The following FBRSL1 variants were observed in gnomAD, a reference collection of about 807,000 sequenced individuals.
The protein encoded by FBRSL1 is fibrosin-1-like protein.
Under a neutral mutation model 89.6 loss-of-function variants are expected in FBRSL1, and 51 were observed. The ratio of observed to expected loss-of-function variants is 0.57; its 90% CI spans 0.45 to 0.72. FBRSL1 has a LOEUF of 0.72. Among genes scored for constraint, FBRSL1 ranks in the 30% least tolerant of loss-of-function variants. The pLI, the probability that FBRSL1 is intolerant of heterozygous loss-of-function variation, is 0.00. For synonymous variants in FBRSL1, 779 were observed against 681.1 expected, an observed-to-expected ratio of 1.14 and a Z score of -2.24; for missense variants, 1,618 against 1,451.8, an observed-to-expected ratio of 1.11 and a Z score of -1.86.
At chr12:132,525,960 G>T (rs2035759378) in intron 3 of FBRSL1, 137 bp downstream of exon 3, 2 of 698,564 alleles carry the variant, frequency 2.9e-6, no homozygotes, top group Non-Finnish European at 2.4e-6. Context: ...TCCGAGTCTG[G>T]GCCCCCTGCC....
intron 4 of FBRSL1, among the ~76,000 whole-genome samples, chr12:132,534,006 T>A (rs2036516823): frequency 6.6e-6 from 1 of 152,064 alleles, no homozygotes. Context: ...GCAGGGGAGC[T>A]GGGCCGTAGA....
intron 5 of FBRSL1, among the ~76,000 whole-genome samples, chr12:132,548,864 G>A (rs11146926): frequency 0.15 from 23,266 of 152,260 alleles, 2,305 homozygotes; most frequent in Non-Finnish European, 0.22. Flanking sequence ...GGCCCGAGGC[G>A]GACTGCATGT....
At chr12:132,526,738 T>C (rs978152716) in intron 3 of FBRSL1, among the ~76,000 whole-genome samples, 2 of 151,608 alleles carry the variant, frequency 1.3e-5, no homozygotes, top group African/African-American at 4.9e-5. Flanking sequence ...TCAGAGGGGG[T>C]GTTGGATCTT....
chr12:132,509,922 G>T (rs2034138013), intron 2 of FBRSL1: 2 of 1,230,954 alleles, frequency 1.6e-6, no homozygotes, highest in Non-Finnish European at 2.0e-6. Flanking sequence ...GGCCTTCCTA[G>T]CCCCGTGTCA....
chr12:132,534,532 TC>T (rs1263700411), intron 4 of FBRSL1, among the ~76,000 whole-genome samples: 1 of 152,198 alleles, frequency 6.6e-6, no homozygotes, highest in African/African-American at 2.4e-5. Context: ...CCTCGCCACC[TC>T]CCTGCCCCAC....
At chr12:132,522,430 A>G (rs2035441263) in intron 2 of FBRSL1, among the ~76,000 whole-genome samples, 1 of 152,056 alleles carries the variant, frequency 6.6e-6, no homozygotes, top group Non-Finnish European at 1.5e-5. Flanking sequence ...CCATGTTCCT[A>G]CGGTTACTGC....
rs1726194494 is a variant in FBRSL1, at chr12:132,499,865, C to T, written c.292-8288C>T. 1.3e-5 allele frequency among the ~76,000 whole-genome samples: 2 copies of T among 152,110 alleles called. No individual in the cohort carries two copies. Among genetic ancestry groups the T allele is most frequent in the African/African-American group, 4.8e-5 (2 of 41,406 alleles). On this transcript the variant is annotated intron_variant, in intron 1 of 18. Coordinates refer to ENST00000680143, the MANE Select transcript of FBRSL1 (RefSeq NM_001367871.1). This position sits in a 1 kb window ranked among gnomAD's most constrained non-coding sequence, Gnocchi z 4.3. ...GTGAGGGACAGAACGGCCTCTGAGC[C>T]CCAGCTCCGTTGGCGCAGCAGAGCT... is the stretch of plus-strand genomic sequence containing the variant.
In FBRSL1 at chr12:132,570,551, C is replaced by T. The variant is rs1248050089; in HGVS notation, c.1213+11C>T. On this transcript the variant is annotated intron_variant, in intron 8 of 18. Coordinates refer to ENST00000680143, the MANE Select transcript of FBRSL1 (RefSeq NM_001367871.1). ...CAGGACACCCGGCCGGTAGGTGTCTCGGCCACAATCTCGCCCAGGGCAGGG... is the reference window on the plus strand; with the variant it reads ...CAGGACACCCGGCCGGTAGGTGTCTTGGCCACAATCTCGCCCAGGGCAGGG... 1.0e-5 allele frequency: 15 copies of T among 1,494,248 alleles called. No individual in the cohort carries two copies. The highest frequency in any genetic ancestry group is 5.1e-5 in the South Asian group (4 of 78,974). The allele number at this position is 1,494,248 out of a possible 1,614,324, so 92.6% of individuals were successfully genotyped here. A position where few individuals can be genotyped will look rare whatever the true frequency, so the allele number is the denominator to read the frequency against.
intron 6 of FBRSL1, among the ~76,000 whole-genome samples, chr12:132,568,222 C>T (rs2039765162): frequency 6.6e-6 from 1 of 152,244 alleles, no homozygotes; most frequent in Admixed American, 6.5e-5. Context: ...CCGGCAGGGC[C>T]ACGGGGTCTC....
At chr12:132,509,742 C>T (rs540926918) in intron 2 of FBRSL1, 13 of 1,231,306 alleles carry the variant, frequency 1.1e-5, no homozygotes, top group Non-Finnish European at 1.1e-5. Context: ...GTGGGCCAGC[C>T]CGTGTCACTG....
In FBRSL1 at chr12:132,546,611, C is replaced by T. The variant is rs2137298175; in HGVS notation, c.616-1392C>T. Among the ~76,000 whole-genome samples the T allele has an allele frequency of 6.6e-6, 1 of 152,012 alleles. No homozygotes were observed. Among genetic ancestry groups the T allele is most frequent in the South Asian group, 2.1e-4 (1 of 4,824 alleles). ...CTGAAAGGCCAGACCGGGGGGGACC[C>T]TAGGAGAGGGCTTGGCCACGGCTGA... On this transcript the variant is annotated intron_variant, in intron 4 of 18. Coordinates refer to ENST00000680143, the MANE Select transcript of FBRSL1 (RefSeq NM_001367871.1). The surrounding 1 kb of genome is among the most constrained non-coding windows in gnomAD (Gnocchi z 4.0).
At position 132,583,709 on chromosome 12, in the gene FBRSL1, G is replaced by T. The variant is rs1375705814; in HGVS notation, c.2940G>T (p.Gly980=). The change falls in exon 19 of 19, where the codon GGG becomes GGT. Residue 980 remains glycine (G), a synonymous_variant. Coordinates refer to ENST00000680143, the MANE Select transcript of FBRSL1 (RefSeq NM_001367871.1). ...GPPRSRTTPL[G]GLGPGEARDY... ...CGCGGAGCCGGACTACTCCGCTGGG[G>T]GGCCTCGGGCCGGGCGAGGCGCGCG... 3 of 1,199,588 alleles carry T rather than the reference G, an allele frequency of 2.5e-6. No homozygotes were observed. The highest frequency in any genetic ancestry group is 3.1e-6 in the Non-Finnish European group (3 of 967,394). 74.3% of individuals were successfully genotyped at this position (1,199,588 alleles called of 1,614,324 possible).
Position 132,583,799 on chromosome 12 carries a change from C to G in FBRSL1, c.*21C>G. The stretch of plus-strand genomic sequence containing the variant: ...GGTAGCCCCGGGGCCGCAGACGCCT[C>G]TCCGAGCGGAGCGCACCGCTGTCCG... On this transcript the variant is annotated 3_prime_UTR_variant, in exon 19 of 19. Coordinates refer to ENST00000680143, the MANE Select transcript of FBRSL1 (RefSeq NM_001367871.1). 1 of 1,195,440 alleles carries G rather than the reference C, an allele frequency of 8.4e-7. No individual in the cohort carries two copies. The allele number at this position is 1,195,440 out of a possible 1,614,324, so 74.1% of individuals were successfully genotyped here. A position where few individuals can be genotyped will look rare whatever the true frequency, so the allele number is the denominator to read the frequency against.
intron 1 of FBRSL1, among the ~76,000 whole-genome samples, chr12:132,496,329 G>T (rs539400590): frequency 6.6e-6 from 1 of 152,240 alleles, no homozygotes; most frequent in Non-Finnish European, 1.5e-5. Context: ...AGAAAGAGAA[G>T]TGCCCAGAAC....
At chr12:132,571,303 G>T (rs1393044995) in intron 9 of FBRSL1, 72 bp downstream of exon 9, 2 of 1,527,048 alleles carry the variant, frequency 1.3e-6, no homozygotes, top group Non-Finnish European at 1.8e-6. Context: ...TTTTTCTCTT[G>T]TAGATCACGA....
At chr12:132,509,540 C>T (rs1593280326) in intron 2 of FBRSL1, 5 of 1,233,982 alleles carry the variant, frequency 4.1e-6, no homozygotes, top group South Asian at 4.1e-5. Context: ...CCAGGCAGTG[C>T]TGCAGGCGCC....
intron 2 of FBRSL1, among the ~76,000 whole-genome samples, chr12:132,515,732 C>G (rs145928120): frequency 1.3e-5 from 2 of 151,704 alleles, no homozygotes; most frequent in African/African-American, 4.8e-5. Context: ...AAACCCGTCT[C>G]TACTAAAAAT....
chr12:132,579,437 T>C (rs2040600628), intron 15 of FBRSL1, among the ~76,000 whole-genome samples: 1 of 152,246 alleles, frequency 6.6e-6, no homozygotes, highest in African/African-American at 2.4e-5. Context: ...TAAGTTACAT[T>C]CTTAAGCTGT....
chr12:132,564,308 G>T (rs1461543679), intron 5 of FBRSL1, among the ~76,000 whole-genome samples: 1 of 152,190 alleles, frequency 6.6e-6, no homozygotes, highest in Non-Finnish European at 1.5e-5. Context: ...GGATTCAGGG[G>T]AAGCAGCTCC....
Sources: allele counts gnomAD v4.1 joint callset (sites outside exome capture counted in the v4.1 genomes callset), GRCh38; gene constraint gnomAD v4.1.1; non-coding constraint Gnocchi (gnomAD v3.1); transcripts MANE v1.5; gene names NCBI Gene and HGNC (gene_info 2026-07-23, HGNC 2026-07-21).